The following MCTP1 variants were observed in gnomAD, a reference collection of about 807,000 sequenced individuals.
The protein encoded by MCTP1 is multiple C2 and transmembrane domain-containing protein 1.
In MCTP1, 69 loss-of-function variants were observed where a neutral mutation model predicts 120.6. The ratio of observed to expected loss-of-function variants is 0.57; its 90% CI spans 0.47 to 0.70. MCTP1 has a LOEUF of 0.70. MCTP1 is among the 30% of genes least tolerant of loss of function. The pLI is 0.00. For missense variants in MCTP1, 1,203 were observed against 1,248.8 expected, an observed-to-expected ratio of 0.96 and a Z score of 0.55; for synonymous variants, 529 against 493.1, an observed-to-expected ratio of 1.07 and a Z score of -0.96.
chr5:94,931,379 C>T (rs989827287), intron 6 of MCTP1: 1 of 152,044 alleles, frequency 6.6e-6, no homozygotes, highest in Non-Finnish European at 1.5e-5. Context: ...CATCACTGAA[C>T]AAATTAAACA....
At chr5:95,093,925 T>C (rs1231344372) in intron 1 of MCTP1, among the ~76,000 whole-genome samples, 2 of 152,162 alleles carry the variant, frequency 1.3e-5, no homozygotes, top group African/African-American at 4.8e-5. Flanking sequence ...AGCAAGCTCA[T>C]GGAGAGGTCT....
intron 18 of MCTP1, among the ~76,000 whole-genome samples, chr5:94,798,239 A>T (rs1036325509): frequency 2.0e-5 from 3 of 152,098 alleles, no homozygotes; most frequent in African/African-American, 7.2e-5. Context: ...CCCCTCATTT[A>T]TTTACATGTG....
At chr5:95,196,782 T>C (rs1750448562) in intron 1 of MCTP1, among the ~76,000 whole-genome samples, 2 of 152,180 alleles carry the variant, frequency 1.3e-5, no homozygotes, top group Non-Finnish European at 2.9e-5. Flanking sequence ...ATGGAATCCA[T>C]TCTAAACATC....
intron 19 of MCTP1, among the ~76,000 whole-genome samples, chr5:94,721,840 TTTTG>T (rs1178641882): frequency 5.5e-5 from 4 of 72,218 alleles, no homozygotes; most frequent in Non-Finnish European, 1.2e-4. Flanking sequence ...AGTGACACTG[TTTTG>T]TTTTTTTTTT....
chr5:95,071,576 G>C (rs111308493), intron 1 of MCTP1, among the ~76,000 whole-genome samples: 5,264 of 125,684 alleles, frequency 0.042, 117 homozygotes, highest in Non-Finnish European at 0.064. Context: ...TGATATTCAT[G>C]ATGATTTGTT....
rs376806445 is a variant in MCTP1 at position 95,206,278 on chromosome 5, G to A, written c.720+77578C>T. ...AGTCAGACACATAAGATTACATACT[G>A]TAATTCCATTTATATTAAATGCTCA... On this transcript the variant is annotated intron_variant, in intron 1 of 22. Coordinates refer to ENST00000515393, the MANE Select transcript of MCTP1 (RefSeq NM_024717.7). 2.2e-4 allele frequency among the ~76,000 whole-genome samples: 34 copies of A among 152,290 alleles called. 1 individual carries two copies. Among genetic ancestry groups the A allele is most frequent in the Admixed American group, 1.6e-3 (24 of 15,290 alleles).
intron 2 of MCTP1, among the ~76,000 whole-genome samples, chr5:95,014,248 A>T (rs1439607222): frequency 7.7e-6 from 1 of 130,702 alleles, no homozygotes; most frequent in Non-Finnish European, 1.7e-5. Flanking sequence ...ACAGAGTAAT[A>T]CCATGTCTCT....
intron 1 of MCTP1, among the ~76,000 whole-genome samples, chr5:95,088,990 G>A (rs1028938137): frequency 2.0e-5 from 3 of 152,186 alleles, no homozygotes; most frequent in African/African-American, 7.2e-5. Context: ...CAGTGCTATT[G>A]TAGGCACGAT....
chr5:94,818,973 A>G (rs935990076), intron 17 of MCTP1, among the ~76,000 whole-genome samples: 2 of 152,182 alleles, frequency 1.3e-5, no homozygotes, highest in African/African-American at 2.4e-5. Flanking sequence ...TAGTGTCATA[A>G]TTTCCTAGGG....
chr5:95,256,396 CT>C (rs1757891373), intron 1 of MCTP1, among the ~76,000 whole-genome samples: 1 of 152,172 alleles, frequency 6.6e-6, no homozygotes, highest in Non-Finnish European at 1.5e-5. Flanking sequence ...TCTCAGACTG[CT>C]GGCTCTCTGT....
At chr5:94,926,263 T>C (rs1256921094) in intron 6 of MCTP1, among the ~76,000 whole-genome samples, 2 of 152,196 alleles carry the variant, frequency 1.3e-5, no homozygotes, top group African/African-American at 4.8e-5. Flanking sequence ...TGATTTGAAA[T>C]TGTGAAGCCT....
intron 2 of MCTP1, among the ~76,000 whole-genome samples, chr5:94,958,646 A>C (rs1295860754): frequency 6.6e-6 from 1 of 152,228 alleles, no homozygotes; most frequent in Non-Finnish European, 1.5e-5. Flanking sequence ...AAACACCTCT[A>C]CACAAATAAA....
intron 1 of MCTP1, among the ~76,000 whole-genome samples, chr5:95,186,214 T>C (rs1340571068): frequency 1.3e-5 from 2 of 151,444 alleles, no homozygotes; most frequent in Admixed American, 1.3e-4. Flanking sequence ...CCCATCTCTA[T>C]TTGCAGATAA....
chr5:94,741,821 T>C (rs960592738), intron 19 of MCTP1, among the ~76,000 whole-genome samples: 1 of 152,236 alleles, frequency 6.6e-6, no homozygotes, highest in African/African-American at 2.4e-5. Flanking sequence ...AGAATTCTAC[T>C]CTGTGATTTA....
At chr5:95,180,219 C>A (rs1419372372) in intron 1 of MCTP1, among the ~76,000 whole-genome samples, 1 of 152,190 alleles carries the variant, frequency 6.6e-6, no homozygotes, top group African/African-American at 2.4e-5. Flanking sequence ...GAATACTCCA[C>A]TGTCAGCACT....
rs141013464 is a variant in MCTP1 at position 94,813,481 on chromosome 5, A to G, written c.2437-14349T>C. Among the ~76,000 whole-genome samples, 444 of 152,368 alleles carry G rather than the reference A, an allele frequency of 2.9e-3. 3 individuals are homozygous for G. Among genetic ancestry groups the G allele is most frequent in the African/African-American group, 0.01 (424 of 41,584 alleles). ...ACTCCTATCAAAGAAAAATGAAAAC[A>G]TATGCCTACATAAAGATACATACAC... On this transcript the variant is annotated intron_variant, in intron 17 of 22. Coordinates refer to ENST00000515393, the MANE Select transcript of MCTP1 (RefSeq NM_024717.7).
chr5:94,757,736 G>T (rs1203474632), intron 19 of MCTP1, among the ~76,000 whole-genome samples: 2 of 152,212 alleles, frequency 1.3e-5, no homozygotes, highest in Non-Finnish European at 2.9e-5. Flanking sequence ...ACTGCTTGTT[G>T]CATGGATGGA....
chr5:95,115,342 C>G (rs1960892), intron 1 of MCTP1, among the ~76,000 whole-genome samples: 1 of 151,508 alleles, frequency 6.6e-6, no homozygotes, highest in African/African-American at 2.4e-5. Flanking sequence ...GACAGAGAAT[C>G]AAAAATAGCT....
intron 1 of MCTP1, 48 bp from the exon 2 acceptor site, chr5:95,017,532 T>A (rs759787452): frequency 2.0e-5 from 23 of 1,137,162 alleles, no homozygotes; most frequent in Middle Eastern, 2.5e-4. Context: ...ATCTCTGTTC[T>A]ATTTTCTCTA....
Sources: allele counts gnomAD v4.1 joint callset (sites outside exome capture counted in the v4.1 genomes callset), GRCh38; gene constraint gnomAD v4.1.1; transcripts MANE v1.5; gene names NCBI Gene and HGNC (gene_info 2026-07-23, HGNC 2026-07-21).